The following SMARCC1 variants were observed in gnomAD, a reference collection of about 807,000 sequenced individuals.
SMARCC1 encodes SWI/SNF complex subunit SMARCC1.
Under a neutral mutation model 147.4 loss-of-function variants are expected in SMARCC1, and 43 were observed. The observed-to-expected ratio is 0.29, with a 90% CI of 0.23 to 0.38. The LOEUF (loss-of-function observed/expected upper bound fraction) is 0.38, where lower values mean the gene tolerates loss of function less well. Among genes scored for constraint, SMARCC1 ranks in the 10% least tolerant of loss-of-function variants. The pLI, the probability that SMARCC1 is intolerant of heterozygous loss-of-function variation, is 1.00. For synonymous variants in SMARCC1, 495 were observed against 484.4 expected, an observed-to-expected ratio of 1.02 and a Z score of -0.29; for missense variants, 1,119 against 1,381.1, an observed-to-expected ratio of 0.81 and a Z score of 3.01.
chr3:47,651,145 A>G (rs2033185009), intron 21 of SMARCC1, among the ~76,000 whole-genome samples: 1 of 152,100 alleles, frequency 6.6e-6, no homozygotes, highest in Non-Finnish European at 1.5e-5. Context: ...CCTCTATAAA[A>G]AACACACAAA....
chr3:47,670,291 G>A, intron 19 of SMARCC1: 1 of 221,508 alleles, frequency 4.5e-6, no homozygotes, highest in Non-Finnish European at 8.8e-6. Flanking sequence ...TACTATAGGT[G>A]AGTTTAAAAT....
At chr3:47,596,219 G>A (rs2106645525) in intron 26 of SMARCC1, among the ~76,000 whole-genome samples, 1 of 152,298 alleles carries the variant, frequency 6.6e-6, no homozygotes, top group South Asian at 2.1e-4. Context: ...GAAAAGAAGA[G>A]AAGCTTGAAC....
intron 21 of SMARCC1, among the ~76,000 whole-genome samples, chr3:47,658,300 A>G (rs573494733): frequency 1.1e-4 from 16 of 152,376 alleles, no homozygotes; most frequent in African/African-American, 3.8e-4. Flanking sequence ...CACATAATAT[A>G]AAATTCACCC....
intron 19 of SMARCC1, among the ~76,000 whole-genome samples, chr3:47,665,852 CTT>C (rs764505361): frequency 7.7e-5 from 11 of 143,068 alleles, no homozygotes; most frequent in African/African-American, 7.6e-5. Flanking sequence ...CACTCACTCT[CTT>C]TTTTTTTTTT....
At chr3:47,656,918 TCAACAACAA>T (rs529787207) in intron 21 of SMARCC1, among the ~76,000 whole-genome samples, 2 of 151,618 alleles carry the variant, frequency 1.3e-5, no homozygotes, top group Admixed American at 6.6e-5. Context: ...AGACTCCATC[TCAACAACAA>T]CAACAACAAC....
chr3:47,623,450 T>C (rs373976218), intron 24 of SMARCC1, among the ~76,000 whole-genome samples: 2 of 152,298 alleles, frequency 1.3e-5, no homozygotes, highest in South Asian at 4.1e-4. Context: ...GAAAGCCTAA[T>C]TTTTCATTCA....
chr3:47,629,617 A>C (rs187747458), intron 24 of SMARCC1, among the ~76,000 whole-genome samples: 2 of 152,314 alleles, frequency 1.3e-5, no homozygotes, highest in Non-Finnish European at 2.9e-5. Flanking sequence ...CTTTGTAAAA[A>C]GTCCAACTAC....
chr3:47,607,743 C>T (rs1293112504), intron 26 of SMARCC1, among the ~76,000 whole-genome samples: 2 of 151,996 alleles, frequency 1.3e-5, no homozygotes, highest in Non-Finnish European at 2.9e-5. Context: ...ACAAATGGGA[C>T]AATTTTAGCA....
In SMARCC1 at chr3:47,585,560, C is replaced by A. The variant is rs2032058703; in HGVS notation, c.*2649G>T. ...CAGAATCTTCTGCCCTCAAGGCCTG[C>A]CTCCAACTTGGGACTGTCTAAACTG... is the stretch of plus-strand genomic sequence containing the variant. On this transcript the variant is annotated 3_prime_UTR_variant, in exon 28 of 28. Transcript: ENST00000254480. 1 of 152,240 alleles carries A rather than the reference C, an allele frequency of 6.6e-6. No individual in the cohort carries two copies. Among genetic ancestry groups the A allele is most frequent in the Admixed American group, 6.5e-5 (1 of 15,284 alleles). 9.4% of individuals were successfully genotyped at this position (152,240 alleles called of 1,614,324 possible).
At chr3:47,651,736 C>T (rs2033192931) in intron 21 of SMARCC1, among the ~76,000 whole-genome samples, 1 of 152,230 alleles carries the variant, frequency 6.6e-6, no homozygotes. Flanking sequence ...TATATAATTA[C>T]ATCTATACAC....
At chr3:47,666,562 G>A (rs1270410330) in intron 19 of SMARCC1, among the ~76,000 whole-genome samples, 1 of 144,090 alleles carries the variant, frequency 6.9e-6, no homozygotes, top group Non-Finnish European at 1.5e-5. Context: ...GCTCTCAAAT[G>A]TAAAAAGGCA....
chr3:47,664,422 C>A (rs75885890), intron 19 of SMARCC1, among the ~76,000 whole-genome samples: 1,570 of 152,200 alleles, frequency 0.01, 23 homozygotes, highest in African/African-American at 0.036. Flanking sequence ...AAGTAGGCTT[C>A]TTTTTAGTAG....
intron 12 of SMARCC1, among the ~76,000 whole-genome samples, chr3:47,692,976 AGAGT>A (rs1455711453): frequency 1.3e-5 from 2 of 152,074 alleles, no homozygotes; most frequent in Non-Finnish European, 2.9e-5. Flanking sequence ...CCTGGGTGAC[AGAGT>A]GAGATTCCGT....
chr3:47,642,000 C>T (rs557837642), intron 21 of SMARCC1, among the ~76,000 whole-genome samples: 1 of 152,278 alleles, frequency 6.6e-6, no homozygotes, highest in African/African-American at 2.4e-5. Context: ...GTCTTAACTC[C>T]TAGCCCTAAG....
chr3:47,590,869 T>A, intron 26 of SMARCC1, 32 bp from the exon 27 acceptor site: 1 of 1,571,950 alleles, frequency 6.4e-7, no homozygotes, highest in Non-Finnish European at 8.6e-7. Context: ...ACTGTAAGTA[T>A]ACTAGAAAGG....
chr3:47,679,081 T>C (rs968156121), intron 15 of SMARCC1, among the ~76,000 whole-genome samples: 2 of 152,118 alleles, frequency 1.3e-5, no homozygotes, highest in African/African-American at 2.4e-5. Flanking sequence ...TCACAAAATA[T>C]AGTACTTAAC....
rs762906003 is a variant in SMARCC1, at chr3:47,635,295, T to C, written c.2541A>G (p.Glu847=). 1 of 1,613,162 alleles carries C rather than the reference T, an allele frequency of 6.2e-7. No homozygotes were observed. The stretch of plus-strand genomic sequence containing the variant: ...TCTTCTTCCCAGTATCACTTTCTCT[T>C]TCTTTACATGTATCAGTGAGTTCTT... ...ENKELTDTCK[E]RESDTGKKKV... is the part of the protein sequence containing the mutation. Residue 847 remains glutamate (E), a synonymous_variant, in exon 24 of 28, where the codon GAA becomes GAG. Transcript: ENST00000254480.
chr3:47,606,901 G>C (rs2032485021), intron 26 of SMARCC1, among the ~76,000 whole-genome samples: 1 of 148,458 alleles, frequency 6.7e-6, no homozygotes, highest in Admixed American at 6.7e-5. Flanking sequence ...TTTTGGTAGA[G>C]ACAGCTTCTC....
chr3:47,701,078 G>T (rs180868588), intron 11 of SMARCC1, among the ~76,000 whole-genome samples, 200 bp downstream of exon 11: 1 of 152,076 alleles, frequency 6.6e-6, no homozygotes, highest in East Asian at 1.9e-4. Context: ...GTTTTTGGTC[G>T]CTGTAAGTTT....
Sources: allele counts gnomAD v4.1 joint callset (sites outside exome capture counted in the v4.1 genomes callset), GRCh38; gene constraint gnomAD v4.1.1; transcripts MANE v1.5; gene names NCBI Gene and HGNC (gene_info 2026-07-23, HGNC 2026-07-21).